Variants in TNFRSF11B observed in about 807,000 individuals in gnomAD.
The protein encoded by TNFRSF11B is TNF receptor superfamily member 11b, also known as tumor necrosis factor receptor superfamily member 11B.
Under a neutral mutation model 43.4 loss-of-function variants are expected in TNFRSF11B, and 16 were observed. The ratio of observed to expected loss-of-function variants is 0.37; its 90% CI spans 0.25 to 0.56. The LOEUF (loss-of-function observed/expected upper bound fraction) is 0.56, where lower values mean the gene tolerates loss of function less well. TNFRSF11B is among the 20% of genes least tolerant of loss of function. The pLI is 0.80. For missense variants in TNFRSF11B, 444 were observed against 490.1 expected, an observed-to-expected ratio of 0.91 and a Z score of 0.89; for synonymous variants, 185 against 181.8, an observed-to-expected ratio of 1.02 and a Z score of -0.14.
chr8:118,946,338 T>C (rs1812560630), intron 1 of TNFRSF11B, among the ~76,000 whole-genome samples: 1 of 152,182 alleles, frequency 6.6e-6, no homozygotes, highest in Admixed American at 6.5e-5. Flanking sequence ...TTAGCTAATG[T>C]GTTGTAACAC....
chr8:118,926,663 C>A lies in TNFRSF11B; in HGVS notation c.648G>T (p.Thr216=), dbSNP rs371614996. Reference sequence around the variant, plus strand: ...CTACCAAGACACTAAGCCAGTTAGGCGTAAACTTTGTAGGAACAGCAAACC... The same window carrying A: ...CTACCAAGACACTAAGCCAGTTAGGAGTAAACTTTGTAGGAACAGCAAACC... The part of the protein sequence containing the change: ...FFRFAVPTKF[T]PNWLSVLVDN... Residue 216 remains threonine (T), a synonymous_variant, in exon 4 of 5, where the codon ACG becomes ACT. Coordinates refer to ENST00000297350, the MANE Select transcript of TNFRSF11B (RefSeq NM_002546.4). 27 of 1,613,978 alleles carry A rather than the reference C, an allele frequency of 1.7e-5. No individual in the cohort carries two copies. In the East Asian group the frequency reaches 6.0e-4, roughly 36 times the overall value.
chr8:118,927,852 G>C (rs1018017781), intron 3 of TNFRSF11B, among the ~76,000 whole-genome samples: 1 of 152,146 alleles, frequency 6.6e-6, no homozygotes, highest in African/African-American at 2.4e-5. Flanking sequence ...ACACTAGCCT[G>C]ATGAATTGTC....
intron 1 of TNFRSF11B, among the ~76,000 whole-genome samples, chr8:118,941,158 A>T (rs923125513): frequency 1.3e-5 from 2 of 152,172 alleles, no homozygotes; most frequent in Non-Finnish European, 2.9e-5. Context: ...TTCATCTCAC[A>T]TGGTGTTTTG....
Position 118,951,848 on chromosome 8 carries a change from T to G in TNFRSF11B, c.-27A>C, listed in dbSNP as rs1184111665. On this transcript the variant is annotated 5_prime_UTR_variant, in exon 1 of 5. Transcript: ENST00000297350. Reference sequence around the variant, plus strand: ...GTGGTCCCCGGAAACCTCAGGGGCTTGGAGGCGGCGGCTGGGCGAGCGCTC... The same window carrying G: ...GTGGTCCCCGGAAACCTCAGGGGCTGGGAGGCGGCGGCTGGGCGAGCGCTC... 1 of 1,577,784 alleles carries G rather than the reference T, an allele frequency of 6.3e-7. No homozygotes were observed. Among genetic ancestry groups the G allele is most frequent in the Non-Finnish European group, 8.6e-7 (1 of 1,161,492 alleles).
At chr8:118,939,693 A>G (rs1812453073) in intron 1 of TNFRSF11B, among the ~76,000 whole-genome samples, 1 of 152,328 alleles carries the variant, frequency 6.6e-6, no homozygotes, top group African/African-American at 2.4e-5. Flanking sequence ...TGCCTTCTAT[A>G]TGAGACTCAA....
chr8:118,929,665 A>G (rs1411020594), intron 2 of TNFRSF11B, among the ~76,000 whole-genome samples: 1 of 152,262 alleles, frequency 6.6e-6, no homozygotes, highest in African/African-American at 2.4e-5. Context: ...TGAAGAAATC[A>G]TTGGCAGAAA....
At position 118,933,009 on chromosome 8, in the gene TNFRSF11B, T is replaced by C. The variant is rs2129896796; in HGVS notation, c.322A>G (p.Lys108Glu). 6.2e-7 allele frequency: 1 copy of C among 1,614,188 alleles called. No homozygotes were observed. Residue 108 changes from lysine to glutamate, a missense_variant, in exon 2 of 5, where the codon AAG (lysine) becomes GAG (glutamate). Transcript: ENST00000297350. ...NRTHNRVCEC[K>E]EGRYLEIEFC... Reference sequence around the variant, plus strand: ...TCTATCTCAAGGTAGCGCCCTTCCTTGCATTCGCACACGCGGTTGTGGGTG... The same window carrying C: ...TCTATCTCAAGGTAGCGCCCTTCCTCGCATTCGCACACGCGGTTGTGGGTG...
Position 118,942,903 on chromosome 8 carries a change from A to G in TNFRSF11B, c.30+8889T>C, listed in dbSNP as rs546661506. 3.2e-4 allele frequency among the ~76,000 whole-genome samples: 49 copies of G among 152,222 alleles called. 1 individual carries two copies. The highest frequency in any genetic ancestry group is 4.6e-4 in the Non-Finnish European group (31 of 68,006). ...CAAAACTCAATATGATTTACTGTCT[A>G]TCTATCCATCTACCTACCTTCCTAC... On this transcript the variant is annotated intron_variant, in intron 1 of 4. Transcript: ENST00000297350.
chr8:118,924,702 T>C lies in TNFRSF11B; in HGVS notation c.878A>G (p.Glu293Gly), dbSNP rs759728343. The C allele has an allele frequency of 6.2e-7, 1 of 1,614,208 alleles. No homozygotes were observed. Among genetic ancestry groups the C allele is most frequent in the Non-Finnish European group, 8.5e-7 (1 of 1,180,038 alleles). The change falls in exon 5 of 5, where the codon GAG becomes GGG. Residue 293 changes from glutamate to glycine, a missense_variant. Glu to Gly is a moderately conservative substitution (Grantham distance 98). Coordinates refer to ENST00000297350, the MANE Select transcript of TNFRSF11B (RefSeq NM_002546.4). The part of the protein sequence containing the change: ...RHIGHANLTF[E>G]QLRSLMESLP... ...GCTTTCCATCAAGCTACGAAGCTGC[T>C]CGAAGGTGAGGTTAGCATGTCCAAT...
In TNFRSF11B at chr8:118,933,033, T is replaced by G; in HGVS notation, c.298A>C (p.Thr100Pro). ...TTGCATTCGCACACGCGGTTGTGGG[T>G]GCGATTGCACTCCTGCTTGACGTAC... The part of the protein sequence containing the change: ...LQYVKQECNR[T>P]HNRVCECKEG... Residue 100 changes from threonine (T) to proline (P), a missense_variant, in exon 2 of 5, where the codon ACC becomes CCC. Physicochemically the swap from Thr to Pro is conservative, Grantham distance 38. Coordinates refer to ENST00000297350, the MANE Select transcript of TNFRSF11B (RefSeq NM_002546.4). 1 of 1,614,062 alleles carries G rather than the reference T, an allele frequency of 6.2e-7. No homozygotes were observed. Among genetic ancestry groups the G allele is most frequent in the South Asian group, 1.1e-5 (1 of 91,074 alleles).
chr8:118,945,229 C>T (rs960796748), intron 1 of TNFRSF11B, among the ~76,000 whole-genome samples: 2 of 151,952 alleles, frequency 1.3e-5, no homozygotes, highest in African/African-American at 2.4e-5. Context: ...TTTTTATAGA[C>T]AAGTCTGTTT....
At position 118,925,201 on chromosome 8, in the gene TNFRSF11B, T is replaced by C. The variant is rs545625809; in HGVS notation, c.818-439A>G. Reference sequence around the variant, plus strand: ...GTAACTAGCCTTTAAAGAATACACATAGCACCAGAGGACTACCTCCATGAG... The same window carrying C: ...GTAACTAGCCTTTAAAGAATACACACAGCACCAGAGGACTACCTCCATGAG... On this transcript the variant is annotated intron_variant, in intron 4 of 4. Transcript: ENST00000297350. Among the ~76,000 whole-genome samples, 54 of 152,286 alleles carry C rather than the reference T, an allele frequency of 3.5e-4. 3 individuals are homozygous for C. In the South Asian group the frequency reaches 0.011, roughly 30 times the overall value.
At chr8:118,932,164 G>A (rs919041532) in intron 2 of TNFRSF11B, among the ~76,000 whole-genome samples, 1 of 152,202 alleles carries the variant, frequency 6.6e-6, no homozygotes, top group East Asian at 1.9e-4. Flanking sequence ...CTCAAGCTAT[G>A]AAAAGTTATA....
chr8:118,950,444 A>G (rs553457869), intron 1 of TNFRSF11B, among the ~76,000 whole-genome samples: 8 of 152,360 alleles, frequency 5.3e-5, no homozygotes, highest in African/African-American at 1.9e-4. Flanking sequence ...AGGAAGTTCA[A>G]ATACAAGCAA....
At chr8:118,938,972 C>T (rs1812441705) in intron 1 of TNFRSF11B, among the ~76,000 whole-genome samples, 1 of 152,100 alleles carries the variant, frequency 6.6e-6, no homozygotes, top group Non-Finnish European at 1.5e-5. Context: ...CTGAAATAAC[C>T]ACTTGGTTTG....
chr8:118,924,350 A>G lies in TNFRSF11B; in HGVS notation c.*24T>C. On this transcript the variant is annotated 3_prime_UTR_variant, in exon 5 of 5. Coordinates refer to ENST00000297350, the MANE Select transcript of TNFRSF11B (RefSeq NM_002546.4). ...CCATGGGATCTCGCCAATTGTGAGG[A>G]AACAGCTCAATGGCCATTTCCAGTT... is the stretch of plus-strand genomic sequence containing the variant. The G allele has an allele frequency of 1.9e-6, 3 of 1,613,558 alleles. No individual in the cohort carries two copies. The highest frequency in any genetic ancestry group is 2.5e-6 in the Non-Finnish European group (3 of 1,179,844).
At chr8:118,928,694 G>A (rs772190094) in intron 3 of TNFRSF11B, 44 bp downstream of exon 3, 1 of 1,596,822 alleles carries the variant, frequency 6.3e-7, no homozygotes, top group East Asian at 2.2e-5. Flanking sequence ...AGAGAGAGAT[G>A]ATACTACAAA....
chr8:118,934,258 A>G (rs1812372625), intron 1 of TNFRSF11B, among the ~76,000 whole-genome samples: 1 of 152,218 alleles, frequency 6.6e-6, no homozygotes, highest in Admixed American at 6.5e-5. Context: ...CACCAGGAAT[A>G]TGCTGGTGAG....
At chr8:118,939,485 T>C (rs1391518672) in intron 1 of TNFRSF11B, among the ~76,000 whole-genome samples, 1 of 152,094 alleles carries the variant, frequency 6.6e-6, no homozygotes, top group Non-Finnish European at 1.5e-5. Context: ...TGAGGGGCAC[T>C]GGTAATGGAG....
Sources: allele counts gnomAD v4.1 joint callset (sites outside exome capture counted in the v4.1 genomes callset), GRCh38; gene constraint gnomAD v4.1.1; transcripts MANE v1.5; gene names NCBI Gene and HGNC (gene_info 2026-07-23, HGNC 2026-07-21).